Variants in DMD observed in about 807,000 individuals in gnomAD.
The protein encoded by DMD is dystrophin, also known as mutant dystrophin.
DMD carries 63 observed loss-of-function variants against 330.1 expected under a neutral mutation model. The observed-to-expected ratio is 0.19, with a 90% CI of 0.16 to 0.24. The LOEUF (loss-of-function observed/expected upper bound fraction) is 0.24. Among genes scored for constraint, DMD ranks in the 10% least tolerant of loss-of-function variants. DMD has a pLI of 1.00. For synonymous variants in DMD, 1,223 were observed against 959.8 expected (o/e 1.27, Z -5.07); for missense variants, 3,344 against 2,684.1 (o/e 1.25, Z -5.43).
chrX:33,041,700 T>G (rs2094304573), intron 1 of DMD: 1 of 1,205,708 alleles, frequency 8.3e-7, no homozygotes, highest in African/African-American at 1.8e-5. Context: ...TAGTACTGGA[T>G]TCAGTGAAGT....
At chrX:31,854,051 A>G (rs2093574856) in intron 48 of DMD, among the ~76,000 whole-genome samples, 1 of 111,793 alleles carries the variant, frequency 8.9e-6, no homozygotes. Context: ...TCATCCTACT[A>G]AAGAGAGATA....
At chrX:31,806,061 T>C (rs2092283360) in intron 50 of DMD, among the ~76,000 whole-genome samples, 1 of 112,160 alleles carries the variant, frequency 8.9e-6, no homozygotes, top group South Asian at 3.7e-4. Flanking sequence ...AAAGATCTTC[T>C]GGCTTGTAAA....
chrX:33,275,941 A>G (rs1199127256), intron 1 of DMD, among the ~76,000 whole-genome samples: 1 of 111,887 alleles, frequency 8.9e-6, no homozygotes, highest in East Asian at 2.8e-4. Flanking sequence ...CTAACACTAC[A>G]ATCATATATA....
chrX:31,198,023 TAAAAAAAAAA>T (rs61065027), intron 67 of DMD, among the ~76,000 whole-genome samples: 1 of 64,927 alleles, frequency 1.5e-5, no homozygotes, highest in Admixed American at 2.1e-4. Context: ...GTGTGGGAGC[TAAAAAAAAAA>T]AAAAAAAAAA....
chrX:32,255,445 A>G (rs2097294493), intron 43 of DMD, among the ~76,000 whole-genome samples: 1 of 111,519 alleles, frequency 9.0e-6, no homozygotes, highest in Admixed American at 9.6e-5. Context: ...TGCAAAAAAA[A>G]AAAAAAATGG....
At chrX:32,597,459 T>C (rs989631603) in intron 12 of DMD, among the ~76,000 whole-genome samples, 1 of 111,763 alleles carries the variant, frequency 8.9e-6, no homozygotes, top group African/African-American at 3.3e-5. Flanking sequence ...TGTTCCTTCC[T>C]GATTGCACAA....
intron 52 of DMD, among the ~76,000 whole-genome samples, chrX:31,721,684 CA>C (rs57147613): frequency 0.17 from 11,807 of 68,409 alleles, 869 homozygotes; most frequent in Admixed American, 0.39. Flanking sequence ...CTCTCTCTCT[CA>C]CTCTCTCTCT....
intron 62 of DMD, among the ~76,000 whole-genome samples, chrX:31,301,490 A>G (rs1314392493): frequency 9.0e-6 from 1 of 111,438 alleles, no homozygotes; most frequent in African/African-American, 3.3e-5. Flanking sequence ...AGTGAAGGGG[A>G]AAGTCCTACA....
At chrX:32,716,973 C>T (rs768114394) in intron 7 of DMD, among the ~76,000 whole-genome samples, 6 of 111,172 alleles carry the variant, frequency 5.4e-5, no homozygotes, top group Non-Finnish European at 9.4e-5. Context: ...TAACAGTATA[C>T]GGTCATATGT....
intron 44 of DMD, among the ~76,000 whole-genome samples, chrX:32,184,619 G>A (rs753220813): frequency 9.0e-6 from 1 of 110,891 alleles, no homozygotes; most frequent in Non-Finnish European, 1.9e-5. Context: ...TCTTCTCTTC[G>A]GGTTCAGTTG....
intron 60 of DMD, among the ~76,000 whole-genome samples, chrX:31,428,178 C>T (rs1425399916): frequency 9.0e-6 from 1 of 111,702 alleles, no homozygotes; most frequent in Non-Finnish European, 1.9e-5. Flanking sequence ...ATGTGGGGCC[C>T]GGTGGGGGAG....
intron 48 of DMD, among the ~76,000 whole-genome samples, chrX:31,842,035 T>C (rs1049348919): frequency 2.7e-5 from 3 of 111,995 alleles, no homozygotes; most frequent in Admixed American, 9.5e-5. Flanking sequence ...CTGAAAATCT[T>C]CTGGAAAGGA....
chrX:31,243,384 T>G (rs916235197), intron 63 of DMD, among the ~76,000 whole-genome samples: 23 of 111,849 alleles, frequency 2.1e-4, no homozygotes, highest in Non-Finnish European at 1.5e-4. Context: ...TAAGGCTTAT[T>G]TAGCTGAAAA....
At chrX:32,327,193 CACA>C (rs1399504133) in intron 41 of DMD, among the ~76,000 whole-genome samples, 8 of 36,256 alleles carry the variant, frequency 2.2e-4, no homozygotes, top group Admixed American at 7.8e-4. Context: ...CTACTAGGGG[CACA>C]AAAAAAAAAA....
intron 51 of DMD, among the ~76,000 whole-genome samples, chrX:31,749,287 TC>T (rs1344403724): frequency 2.8e-4 from 13 of 47,067 alleles, no homozygotes; most frequent in African/African-American, 4.4e-4. Context: ...ATGCCATCCC[TC>T]CCCCCTCCCC....
chrX:32,380,264 T>C (rs1025719487), intron 34 of DMD, among the ~76,000 whole-genome samples: 2 of 111,301 alleles, frequency 1.8e-5, no homozygotes, highest in Non-Finnish European at 3.8e-5. Context: ...TAATGACCTA[T>C]GTATTTCTTA....
At chrX:32,869,605 C>T (rs1438304966) in intron 2 of DMD, among the ~76,000 whole-genome samples, 1 of 108,653 alleles carries the variant, frequency 9.2e-6, no homozygotes, top group African/African-American at 3.4e-5. Flanking sequence ...AATGCTACCG[C>T]AAGTATCAAT....
At chrX:32,465,588 T>C (rs6631593) in intron 23 of DMD, among the ~76,000 whole-genome samples, 1 of 29,293 alleles carries the variant, frequency 3.4e-5, no homozygotes, top group African/African-American at 5.9e-5. Flanking sequence ...TTTTGTTTTT[T>C]TTTTTTTTTT....
intron 34 of DMD, among the ~76,000 whole-genome samples, chrX:32,375,581 T>C (rs1160768233): frequency 1.8e-5 from 2 of 112,189 alleles, no homozygotes; most frequent in African/African-American, 6.5e-5. Context: ...TCTGTATGCA[T>C]AACTCATCTT....
Sources: allele counts gnomAD v4.1 joint callset (sites outside exome capture counted in the v4.1 genomes callset), GRCh38; gene constraint gnomAD v4.1.1; transcripts MANE v1.5; gene names NCBI Gene and HGNC (gene_info 2026-07-23, HGNC 2026-07-21).